DLG2: variants seen among roughly 807,000 people sequenced by gnomAD.
DLG2 encodes the protein discs large MAGUK scaffold protein 2, also known as disks large homolog 2.
Under a neutral mutation model 132.5 loss-of-function variants are expected in DLG2, and 45 were observed. The observed-to-expected ratio is 0.34, with a 90% CI of 0.27 to 0.44. DLG2 has a LOEUF of 0.44. DLG2 is among the 20% of genes least tolerant of loss of function. The pLI, the probability that DLG2 is intolerant of heterozygous loss-of-function variation, is 1.00. For synonymous variants in DLG2, 424 were observed against 419.6 expected, an observed-to-expected ratio of 1.01 and a Z score of -0.13; for missense variants, 1,045 against 1,196.9, an observed-to-expected ratio of 0.87 and a Z score of 1.87.
intron 6 of DLG2, among the ~76,000 whole-genome samples, chr11:85,012,139 T>TGGAGAAACTCCATTTCTACTAAAAATACA (rs1566644270): frequency 0.012 from 932 of 80,348 alleles, 175 homozygotes; most frequent in East Asian, 0.044. Context: ...CTGACCAACA[T>TGGAGAAACTCCATTTCTACTAAAAATACA]AATCTATGTG....
At chr11:84,462,307 T>A (rs1014463756) in intron 7 of DLG2, among the ~76,000 whole-genome samples, 3 of 151,090 alleles carry the variant, frequency 2.0e-5, no homozygotes, top group Non-Finnish European at 4.5e-5. Context: ...ATCTCTTTTA[T>A]CCTTAGACAT....
intron 8 of DLG2, among the ~76,000 whole-genome samples, chr11:84,187,063 C>T (rs1566863719): frequency 6.6e-6 from 1 of 150,632 alleles, no homozygotes; most frequent in Non-Finnish European, 1.5e-5. Flanking sequence ...ATGAGTTTGC[C>T]AAAATTCCCA....
chr11:85,384,957 T>C lies in DLG2; in HGVS notation c.41-99592A>G, dbSNP rs1158707680. 2.6e-5 allele frequency among the ~76,000 whole-genome samples: 4 copies of C among 152,208 alleles called. No individual in the cohort carries two copies. In the East Asian group the frequency reaches 7.7e-4, roughly 29 times the overall value. On this transcript the variant is annotated intron_variant, in intron 3 of 27. Coordinates refer to ENST00000376104, the MANE Select transcript of DLG2 (RefSeq NM_001142699.3). The stretch of plus-strand genomic sequence containing the variant: ...TAACTGCATTCTCATCAGGATTAAA[T>C]GAGAAAAAATAAAATTACATTCTTA...
At chr11:84,878,743 CA>C (rs1360295538) in intron 6 of DLG2, among the ~76,000 whole-genome samples, 1 of 152,106 alleles carries the variant, frequency 6.6e-6, no homozygotes, top group Admixed American at 6.6e-5. Flanking sequence ...TATATTCAGT[CA>C]TTGTGGAAAC....
intron 4 of DLG2, among the ~76,000 whole-genome samples, chr11:85,269,827 G>A (rs1053620251): frequency 6.6e-6 from 1 of 152,116 alleles, no homozygotes; most frequent in Admixed American, 6.6e-5. Context: ...TCACTTACTG[G>A]TTGTGTAATG....
At position 84,202,403 on chromosome 11, in the gene DLG2, C is replaced by A. The variant is rs4944469; in HGVS notation, c.574-38892G>T. Among the ~76,000 whole-genome samples the A allele has an allele frequency of 9.9e-5, 15 of 152,108 alleles. No homozygotes were observed. The South Asian group carries it at 2.9e-3, about 29-fold the overall frequency. On this transcript the variant is annotated intron_variant, in intron 8 of 27. Coordinates refer to ENST00000376104, the MANE Select transcript of DLG2 (RefSeq NM_001142699.3). ...TATTTAATACATGGTTCTGGGAGAA[C>A]TGGCTAGCCATATGCAGAAAACTGA...
chr11:84,359,388 G>C (rs1325533055), intron 7 of DLG2, among the ~76,000 whole-genome samples: 1 of 151,822 alleles, frequency 6.6e-6, no homozygotes, highest in African/African-American at 2.4e-5. Context: ...GTTCACTGCA[G>C]AATTACTGAG....
chr11:85,008,791 A>C (rs751059150), intron 6 of DLG2, among the ~76,000 whole-genome samples: 2 of 150,366 alleles, frequency 1.3e-5, no homozygotes, highest in Non-Finnish European at 3.0e-5. Context: ...GGAGACTAAC[A>C]AAAAAAACCC....
chr11:85,178,799 C>T (rs1372704383), intron 4 of DLG2, among the ~76,000 whole-genome samples: 1 of 151,728 alleles, frequency 6.6e-6, no homozygotes, highest in Admixed American at 6.6e-5. Flanking sequence ...CACAAGAAAT[C>T]CCCTCAGAAC....
chr11:84,451,319 C>T (rs1376399636), intron 7 of DLG2, among the ~76,000 whole-genome samples: 1 of 151,788 alleles, frequency 6.6e-6, no homozygotes, highest in African/African-American at 2.4e-5. Flanking sequence ...CCACAATTTC[C>T]ATTTAAGGCT....
intron 6 of DLG2, among the ~76,000 whole-genome samples, chr11:84,738,629 C>T (rs567327937): frequency 6.6e-6 from 1 of 152,096 alleles, no homozygotes; most frequent in South Asian, 2.1e-4. Context: ...TTAACAATTC[C>T]AAGTGTTGAT....
chr11:84,658,790 G>A (rs1254015019), intron 6 of DLG2, among the ~76,000 whole-genome samples: 1 of 152,126 alleles, frequency 6.6e-6, no homozygotes, highest in Non-Finnish European at 1.5e-5. Flanking sequence ...GCACATGCTG[G>A]TGCCATGTTT....
In DLG2 at chr11:84,934,515, G is replaced by GGTT. The variant is rs1566441569; in HGVS notation, c.357+177145_357+177146insAAC. Among the ~76,000 whole-genome samples the GGTT allele has an allele frequency of 2.5e-3, 102 of 40,488 alleles. 3 individuals are homozygous for GGTT. Among genetic ancestry groups the GGTT allele is most frequent in the African/African-American group, 3.0e-3 (29 of 9,660 alleles). The allele number at this position is 40,488 out of a possible 152,430, so 26.6% of individuals were successfully genotyped here. A position where few individuals can be genotyped will look rare whatever the true frequency, so the allele number is the denominator to read the frequency against. On this transcript the variant is annotated intron_variant, in intron 6 of 27. Coordinates refer to ENST00000376104, the MANE Select transcript of DLG2 (RefSeq NM_001142699.3). ...GTATGGTCCTGGGTGTTTTTTTTTT[G>GGTT]TTTTGTTTTGTTTTTTTTTTTTTTT... is the stretch of plus-strand genomic sequence containing the variant.
chr11:84,695,518 T>G (rs1262993010), intron 6 of DLG2, among the ~76,000 whole-genome samples: 1 of 151,594 alleles, frequency 6.6e-6, no homozygotes, highest in Non-Finnish European at 1.5e-5. Flanking sequence ...CTGAAAGAAA[T>G]AAAGTTACTA....
At chr11:84,137,556 C>T (rs2094651190) in intron 9 of DLG2, among the ~76,000 whole-genome samples, 1 of 152,086 alleles carries the variant, frequency 6.6e-6, no homozygotes, top group Non-Finnish European at 1.5e-5. Context: ...CCAATTTGTT[C>T]TCAAGGTTAT....
intron 7 of DLG2, among the ~76,000 whole-genome samples, chr11:84,388,597 C>A (rs572932711): frequency 1.3e-5 from 2 of 151,738 alleles, no homozygotes; most frequent in South Asian, 4.2e-4. Context: ...TATTTCAGTA[C>A]CCTGTGTTTC....
intron 6 of DLG2, among the ~76,000 whole-genome samples, chr11:84,593,011 C>T (rs868062992): frequency 6.0e-4 from 83 of 138,254 alleles, no homozygotes; most frequent in African/African-American, 1.5e-3. Flanking sequence ...CCCAGCTCCT[C>T]GGGAGGGTGA....
At chr11:83,579,182 T>G (rs780071284) in intron 19 of DLG2, among the ~76,000 whole-genome samples, 19 of 152,190 alleles carry the variant, frequency 1.2e-4, no homozygotes, top group South Asian at 6.2e-4. Context: ...AGCAAAATTC[T>G]TAATGTAAGA....
chr11:83,787,110 G>A (rs1425337406), intron 17 of DLG2, among the ~76,000 whole-genome samples: 1 of 152,032 alleles, frequency 6.6e-6, no homozygotes, highest in Non-Finnish European at 1.5e-5. Context: ...ATAAATATGA[G>A]CCTTCAAAAT....
Sources: allele counts gnomAD v4.1 joint callset (sites outside exome capture counted in the v4.1 genomes callset), GRCh38; gene constraint gnomAD v4.1.1; transcripts MANE v1.5; gene names NCBI Gene and HGNC (gene_info 2026-07-23, HGNC 2026-07-21).